The following ASAH1 variants were observed in gnomAD, a reference collection of about 807,000 sequenced individuals.
The protein encoded by ASAH1 is N-acylsphingosine amidohydrolase 1, also known as acid ceramidase.
In ASAH1, 70 loss-of-function variants were observed where a neutral mutation model predicts 59.5. The ratio of observed to expected loss-of-function variants is 1.18; its 90% confidence interval spans 0.97 to 1.43. ASAH1 has a LOEUF of 1.43. Among genes scored for constraint, ASAH1 ranks in the 40% most tolerant of loss-of-function variants. The pLI, the probability that ASAH1 is intolerant of heterozygous loss-of-function variation, is 0.00. For synonymous variants in ASAH1, 213 were observed against 166.5 expected, an observed-to-expected ratio of 1.28 and a Z score of -2.15; for missense variants, 660 against 482.5, an observed-to-expected ratio of 1.37 and a Z score of -3.45.
intron 5 of ASAH1, chr8:18,065,474 T>C (rs994467694): frequency 7.2e-5 from 11 of 152,172 alleles, no homozygotes; most frequent in Non-Finnish European, 1.6e-4. Flanking sequence ...AAGGTACTGT[T>C]GGCTATTTAA....
chr8:18,083,912 C>T, intron 1 of ASAH1, 69 bp downstream of exon 1: 2 of 1,550,164 alleles, frequency 1.3e-6, no homozygotes, highest in Non-Finnish European at 8.7e-7. Flanking sequence ...CTCGCGCCGC[C>T]ACACCTGCGC....
In ASAH1 at chr8:18,056,371, G is replaced by C. The variant is rs912031669; in HGVS notation, c.*1163C>G. ...TTAATTCAGATACGATGTTCAGCTT[G>C]TATTTCTTGATAATAACCCCCCTCC... On this transcript the variant is annotated 3_prime_UTR_variant, in exon 14 of 14. Transcript: ENST00000637790. 6.6e-6 allele frequency: 1 copy of C among 152,122 alleles called. No homozygotes were observed. Among genetic ancestry groups the C allele is most frequent in the Non-Finnish European group, 1.5e-5 (1 of 68,026 alleles). The allele number at this position is 152,122 out of a possible 1,614,324, so 9.4% of individuals were successfully genotyped here.
rs893428895 is a variant in ASAH1, at chr8:18,056,305, T to C, written c.*1229A>G. ...TCATGTAAGAGTAAGATTGTGACCG[T>C]TTAGTCATATTTAATAACCCACTTA... is the stretch of plus-strand genomic sequence containing the variant. On this transcript the variant is annotated 3_prime_UTR_variant, in exon 14 of 14. Transcript: ENST00000637790. 6.6e-6 allele frequency: 1 copy of C among 152,124 alleles called. No individual in the cohort carries two copies. The highest frequency in any genetic ancestry group is 1.5e-5 in the Non-Finnish European group (1 of 68,028). 9.4% of individuals were successfully genotyped at this position (152,124 alleles called of 1,614,324 possible).
chr8:18,063,448 C>G, intron 6 of ASAH1: 1 of 483,788 alleles, frequency 2.1e-6, no homozygotes, highest in East Asian at 4.0e-5. Context: ...GGATTACAGA[C>G]ATGTGCGACC....
intron 2 of ASAH1, among the ~76,000 whole-genome samples, chr8:18,073,482 C>G (rs998744348): frequency 6.6e-6 from 1 of 152,204 alleles, no homozygotes; most frequent in Admixed American, 6.5e-5. Context: ...GGCATGGAAA[C>G]TAGTCCAAGT....
intron 3 of ASAH1, among the ~76,000 whole-genome samples, chr8:18,070,562 A>G (rs57671612): frequency 0.43 from 64,994 of 151,774 alleles, 14,757 homozygotes; most frequent in Admixed American, 0.53. Context: ...GGGATTGATT[A>G]CAGGCATGAG....
intron 10 of ASAH1, 129 bp downstream of exon 10, chr8:18,061,248 C>A: frequency 1.3e-6 from 1 of 754,496 alleles, no homozygotes; most frequent in Non-Finnish European, 2.2e-6. Context: ...ACATGAGTGT[C>A]AGAGGTTCAC....
chr8:18,083,768 GGAGTTCTAGT>G, intron 1 of ASAH1: 1 of 926,058 alleles, frequency 1.1e-6, no homozygotes, highest in Non-Finnish European at 1.6e-6. Context: ...TTCCTTTAAA[GGAGTTCTAGT>G]TGCAGGTAGC....
At chr8:18,061,096 T>C (rs1003275063) in intron 10 of ASAH1, 2 of 331,382 alleles carry the variant, frequency 6.0e-6, no homozygotes, top group African/African-American at 4.3e-5. Flanking sequence ...GACTGTTCTT[T>C]TGTGTGTGGG....
intron 10 of ASAH1, 62 bp downstream of exon 10, chr8:18,061,315 T>C (rs1799687934): frequency 1.4e-5 from 19 of 1,382,774 alleles, no homozygotes; most frequent in African/African-American, 4.3e-5. Flanking sequence ...ACAAATATTT[T>C]TATTTTTTAA....
chr8:18,071,219 AAATC>A, intron 3 of ASAH1, 77 bp downstream of exon 3: 1 of 807,132 alleles, frequency 1.2e-6, no homozygotes, highest in Non-Finnish European at 1.6e-6. Context: ...AACAAAAAAA[AAATC>A]AATCAATAAA....
At chr8:18,069,718 A>T in intron 4 of ASAH1, 74 bp downstream of exon 4, 1 of 1,129,614 alleles carries the variant, frequency 8.9e-7, no homozygotes, top group Non-Finnish European at 1.3e-6. Flanking sequence ...GAGGTTGCTG[A>T]ATTATGCCTT....
At chr8:18,080,747 A>G (rs911088243) in intron 1 of ASAH1, among the ~76,000 whole-genome samples, 1 of 152,018 alleles carries the variant, frequency 6.6e-6, no homozygotes, top group East Asian at 1.9e-4. Flanking sequence ...TAGTAGAGAC[A>G]GGGTTTCTCC....
chr8:18,073,324 TTCAA>T (rs1299048750), intron 2 of ASAH1: 1 of 1,511,116 alleles, frequency 6.6e-7, no homozygotes, highest in South Asian at 1.2e-5. Flanking sequence ...AGCATTGGTA[TTCAA>T]TCAACAGTAG....
intron 4 of ASAH1, chr8:18,067,851 T>C (rs1799998358): frequency 6.6e-6 from 1 of 152,236 alleles, no homozygotes; most frequent in Admixed American, 6.5e-5. Context: ...AATTCAGTGG[T>C]GGACATCATA....
chr8:18,080,453 T>A (rs1459434974), intron 1 of ASAH1, among the ~76,000 whole-genome samples: 2 of 152,174 alleles, frequency 1.3e-5, no homozygotes, highest in Non-Finnish European at 2.9e-5. Context: ...ACCAATGACC[T>A]CCAGTTGCCC....
chr8:18,078,158 C>G (rs7816074), intron 1 of ASAH1, among the ~76,000 whole-genome samples: 1 of 151,682 alleles, frequency 6.6e-6, no homozygotes, highest in South Asian at 2.1e-4. Flanking sequence ...TTAAGTGAAA[C>G]GTAATGACTC....
intron 8 of ASAH1, 118 bp downstream of exon 8, chr8:18,062,161 G>A: frequency 7.5e-7 from 1 of 1,341,444 alleles, no homozygotes; most frequent in Non-Finnish European, 1.1e-6. Flanking sequence ...GAAGTACAAG[G>A]GGGTGAAATG....
Sources: allele counts gnomAD v4.1 joint callset (sites outside exome capture counted in the v4.1 genomes callset), GRCh38; gene constraint gnomAD v4.1.1; transcripts MANE v1.5; gene names NCBI Gene and HGNC (gene_info 2026-07-23, HGNC 2026-07-21).